The following UNC5D variants were observed in gnomAD, a reference collection of about 807,000 sequenced individuals.
The protein encoded by UNC5D is netrin receptor UNC5D.
A neutral mutation model predicts 105.4 loss-of-function variants in UNC5D; 39 were observed. That is an observed-to-expected ratio of 0.37 (90% CI 0.29 to 0.48). The LOEUF is 0.48. Ranked by LOEUF, UNC5D falls within the 20% of genes least tolerant of loss-of-function variation. The pLI is 0.98. For missense variants in UNC5D, 991 were observed against 1,202.4 expected, an observed-to-expected ratio of 0.82 and a Z score of 2.60; for synonymous variants, 452 against 450.4, an observed-to-expected ratio of 1.00 and a Z score of -0.04.
chr8:35,403,536 G>T (rs923588726), intron 1 of UNC5D, among the ~76,000 whole-genome samples: 1 of 152,114 alleles, frequency 6.6e-6, no homozygotes, highest in Non-Finnish European at 1.5e-5. Context: ...GAAGTATTTT[G>T]GATTTCTTTG....
At chr8:35,742,264 A>G (rs1829800504) in intron 11 of UNC5D, among the ~76,000 whole-genome samples, 1 of 152,170 alleles carries the variant, frequency 6.6e-6, no homozygotes, top group Non-Finnish European at 1.5e-5. Context: ...GAAAAAAAAA[A>G]AAGAGAGAGA....
chr8:35,390,800 T>C (rs1335277513), intron 1 of UNC5D, among the ~76,000 whole-genome samples: 1 of 152,224 alleles, frequency 6.6e-6, no homozygotes, highest in East Asian at 1.9e-4. Flanking sequence ...GTAATTTGGA[T>C]ATAATGGATT....
intron 4 of UNC5D, among the ~76,000 whole-genome samples, chr8:35,644,923 A>G (rs1451169537): frequency 1.3e-5 from 2 of 152,142 alleles, no homozygotes; most frequent in African/African-American, 4.8e-5. Flanking sequence ...TCTGATATTG[A>G]TTCTTTTATA....
intron 1 of UNC5D, among the ~76,000 whole-genome samples, chr8:35,355,573 C>A (rs938589068): frequency 6.6e-6 from 1 of 152,140 alleles, no homozygotes; most frequent in African/African-American, 2.4e-5. Flanking sequence ...CCTCCAAGAA[C>A]ATTGTTATGC....
chr8:35,442,141 A>G (rs1807448451), intron 1 of UNC5D, among the ~76,000 whole-genome samples: 1 of 151,860 alleles, frequency 6.6e-6, no homozygotes, highest in African/African-American at 2.4e-5. Flanking sequence ...ATTCAAGGTT[A>G]TTAGATTTTT....
intron 1 of UNC5D, among the ~76,000 whole-genome samples, chr8:35,548,868 G>A (rs566058954): frequency 9.9e-5 from 15 of 152,222 alleles, no homozygotes; most frequent in Admixed American, 8.5e-4. Context: ...TATCATCCCT[G>A]TCATTCACAT....
chr8:35,340,207 A>G (rs1788520141), intron 1 of UNC5D, among the ~76,000 whole-genome samples: 1 of 152,144 alleles, frequency 6.6e-6, no homozygotes, highest in African/African-American at 2.4e-5. Context: ...ATTCCCATGA[A>G]AATACACAAA....
intron 4 of UNC5D, among the ~76,000 whole-genome samples, chr8:35,602,523 C>T (rs1819959554): frequency 6.6e-6 from 1 of 152,108 alleles, no homozygotes; most frequent in South Asian, 2.1e-4. Flanking sequence ...CTGGTTTAGC[C>T]TTGGGAGAGC....
chr8:35,474,254 C>A (rs1202161814), intron 1 of UNC5D, among the ~76,000 whole-genome samples: 3 of 152,116 alleles, frequency 2.0e-5, no homozygotes, highest in Non-Finnish European at 4.4e-5. Flanking sequence ...AGTTGTTTAC[C>A]ACAGTTCTTA....
intron 1 of UNC5D, among the ~76,000 whole-genome samples, chr8:35,373,287 C>T (rs563216289): frequency 6.6e-6 from 1 of 152,090 alleles, no homozygotes; most frequent in African/African-American, 2.4e-5. Context: ...TGATTTGTGC[C>T]CCACCGTTCA....
At chr8:35,608,795 A>G (rs531589063) in intron 4 of UNC5D, among the ~76,000 whole-genome samples, 13 of 116,458 alleles carry the variant, frequency 1.1e-4, no homozygotes, top group Non-Finnish European at 1.9e-4. Context: ...TTGTGTATGT[A>G]TACATTTTCT....
chr8:35,267,574 G>T (rs1804974134), intron 1 of UNC5D, among the ~76,000 whole-genome samples: 1 of 152,104 alleles, frequency 6.6e-6, no homozygotes, highest in Non-Finnish European at 1.5e-5. Context: ...AAGTAGCTGG[G>T]ATTACAGGCA....
intron 1 of UNC5D, among the ~76,000 whole-genome samples, chr8:35,370,242 C>A (rs114077014): frequency 0.015 from 2,224 of 152,118 alleles, 58 homozygotes; most frequent in African/African-American, 0.052. Context: ...GGTTTTCAAA[C>A]GGAAAATCAA....
chr8:35,594,823 C>T (rs1297444368), intron 3 of UNC5D, among the ~76,000 whole-genome samples: 3 of 152,170 alleles, frequency 2.0e-5, no homozygotes, highest in African/African-American at 7.2e-5. Context: ...CATCGATGCT[C>T]TCTGTGACCA....
chr8:35,651,159 G>A (rs529586563), intron 4 of UNC5D, among the ~76,000 whole-genome samples: 1 of 152,272 alleles, frequency 6.6e-6, no homozygotes, highest in South Asian at 2.1e-4. Context: ...TGATATCTGT[G>A]TATTATTAGC....
rs1813774574 is a variant in UNC5D, at chr8:35,525,152, G to C, written c.104-24140G>C. On this transcript the variant is annotated intron_variant, in intron 1 of 16. Transcript: ENST00000404895. ...CCAGCGCCTCCTTGGCTGGATGCTG[G>C]AAGAGTCCTCCATGTGTACGGACTC... The C allele has an allele frequency of 2.5e-6, 4 of 1,607,388 alleles. No homozygotes were observed. The African/African-American group carries it at 5.4e-5, about 22-fold the overall frequency.
At chr8:35,368,343 G>A (rs1354144916) in intron 1 of UNC5D, among the ~76,000 whole-genome samples, 1 of 151,928 alleles carries the variant, frequency 6.6e-6, no homozygotes, top group African/African-American at 2.4e-5. Context: ...ATGTGCGCAT[G>A]CATGCACACC....
intron 7 of UNC5D, among the ~76,000 whole-genome samples, chr8:35,700,758 T>A (rs1363943000): frequency 6.6e-6 from 1 of 152,156 alleles, no homozygotes; most frequent in Non-Finnish European, 1.5e-5. Flanking sequence ...ATATCTGGCA[T>A]GGTGGGACCA....
chr8:35,787,543 C>T (rs2131802883), intron 16 of UNC5D, among the ~76,000 whole-genome samples: 1 of 152,232 alleles, frequency 6.6e-6, no homozygotes, highest in East Asian at 1.9e-4. Flanking sequence ...GAAGATATTG[C>T]AACTTTCCCT....
Sources: allele counts gnomAD v4.1 joint callset (sites outside exome capture counted in the v4.1 genomes callset), GRCh38; gene constraint gnomAD v4.1.1; transcripts MANE v1.5; gene names NCBI Gene and HGNC (gene_info 2026-07-23, HGNC 2026-07-21).